LY75: variants seen among roughly 807,000 people sequenced by gnomAD.
The protein encoded by LY75 is C-type lectin domain family 13 member B.
In LY75, 185 loss-of-function variants were observed where a neutral mutation model predicts 231.7. The observed-to-expected ratio is 0.80, with a 90% confidence interval of 0.71 to 0.90. LY75 has a LOEUF of 0.90. Among genes scored for constraint, LY75 ranks in the 40% least tolerant of loss-of-function variants. The pLI is 0.00. For synonymous variants in LY75, 668 were observed against 689.0 expected, an observed-to-expected ratio of 0.97 and a Z score of 0.48; for missense variants, 1,947 against 2,050.2, an observed-to-expected ratio of 0.95 and a Z score of 0.97.
intron 23 of LY75, among the ~76,000 whole-genome samples, chr2:159,844,704 C>T (rs1339635231): frequency 6.6e-6 from 1 of 150,386 alleles, no homozygotes; most frequent in Non-Finnish European, 1.5e-5. Context: ...GAGACAGATG[C>T]CTATGGGGGA....
At chr2:159,852,081 C>A in intron 21 of LY75, 120 bp downstream of exon 21, 1 of 1,384,298 alleles carries the variant, frequency 7.2e-7, no homozygotes, top group Non-Finnish European at 9.6e-7. Flanking sequence ...CAGGTGGGAT[C>A]CTGAAACATG....
chr2:159,904,096 C>A (rs1686161700), intron 1 of LY75, among the ~76,000 whole-genome samples: 1 of 151,550 alleles, frequency 6.6e-6, no homozygotes, highest in Admixed American at 6.6e-5. Flanking sequence ...TCCTGATGCG[C>A]ACCGTAGGCG....
At chr2:159,819,358 C>G (rs751664582) in intron 29 of LY75, among the ~76,000 whole-genome samples, 15 of 152,186 alleles carry the variant, frequency 9.9e-5, no homozygotes, top group Non-Finnish European at 1.5e-4. Flanking sequence ...TAAACCCTAT[C>G]CATTTTTCAA....
At position 159,816,986 on chromosome 2, in the gene LY75, T is replaced by C. The variant is rs1574524306; in HGVS notation, c.4200A>G (p.Pro1400=). ...TAACACTGTAAATACCATCTTCATA[T>C]GGCATAAACTGTGGCAGTGTAGTAT... ...EYNTTLPQFM[P]YEDGIYSVIQ... The change falls in exon 30 of 35, where the codon CCA becomes CCG. Residue 1400 remains proline, a synonymous_variant. Transcript: ENST00000263636. 3.7e-6 allele frequency: 6 copies of C among 1,614,168 alleles called. No individual in the cohort carries two copies. The highest frequency in any genetic ancestry group is 5.1e-6 in the Non-Finnish European group (6 of 1,179,998).
Position 159,854,367 on chromosome 2 carries a change from A to C in LY75, c.2588T>G (p.Ile863Arg), listed in dbSNP as rs760103990. 1.4e-6 allele frequency: 2 copies of C among 1,421,598 alleles called. No individual in the cohort carries two copies. The highest frequency in any genetic ancestry group is 4.5e-5 in the Admixed American group (2 of 43,964). The allele number at this position is 1,421,598 out of a possible 1,614,324, so 88.1% of individuals were successfully genotyped here. A position where few individuals can be genotyped will look rare whatever the true frequency, so the allele number is the denominator to read the frequency against. Residue 863 changes from isoleucine (I) to arginine (R), a missense_variant, in exon 18 of 35, where the codon ATA becomes AGA. Physicochemically the swap from Ile to Arg is moderately conservative, Grantham distance 97 (BLOSUM62 -3). Transcript: ENST00000263636. ...TATATTCTTTTAAATTACATTTGCT[A>C]TTTTGTTTTTGATGGCTTTTAGTCC... ...FVGLKAIKNKIANISGDGQKW... is the reference protein window; with the variant it reads ...FVGLKAIKNKRANISGDGQKW...
intron 28 of LY75, among the ~76,000 whole-genome samples, chr2:159,829,649 A>ATATTT (rs10674031): frequency 0.87 from 131,597 of 151,866 alleles, 57,432 homozygotes; most frequent in African/African-American, 0.97. Flanking sequence ...AAAAAATTAA[A>ATATTT]TATAAGTATA....
intron 23 of LY75, among the ~76,000 whole-genome samples, chr2:159,849,669 T>C (rs1684322526): frequency 6.6e-6 from 1 of 152,158 alleles, no homozygotes; most frequent in Non-Finnish European, 1.5e-5. Context: ...TATGAGACAA[T>C]TCGCTCATTT....
At chr2:159,867,086 A>T (rs1042379385) in intron 13 of LY75, among the ~76,000 whole-genome samples, 1 of 152,138 alleles carries the variant, frequency 6.6e-6, no homozygotes, top group Non-Finnish European at 1.5e-5. Context: ...AGTTTGCTCG[A>T]TTGTCCAAAA....
At chr2:159,826,029 C>T (rs61053723) in intron 28 of LY75, among the ~76,000 whole-genome samples, 24,537 of 152,118 alleles carry the variant, frequency 0.16, 2,289 homozygotes, top group East Asian at 0.32. Flanking sequence ...GGAAGCATTC[C>T]CTTTGAAAAC....
intron 1 of LY75, 125 bp downstream of exon 1, chr2:159,904,464 C>T (rs1686177403): frequency 7.2e-6 from 8 of 1,117,298 alleles, no homozygotes; most frequent in Non-Finnish European, 9.6e-6. Flanking sequence ...CCAGAGCCCC[C>T]CCGCCCCAAC....
intron 28 of LY75, among the ~76,000 whole-genome samples, chr2:159,828,269 AG>A (rs1179842294): frequency 6.6e-6 from 1 of 150,748 alleles, no homozygotes; most frequent in Non-Finnish European, 1.5e-5. Flanking sequence ...AATACTGGAA[AG>A]TATTTATATC....
At chr2:159,904,544 G>A in intron 1 of LY75, 45 bp downstream of exon 1, 1 of 1,493,430 alleles carries the variant, frequency 6.7e-7, no homozygotes, top group Non-Finnish European at 8.9e-7. Flanking sequence ...GAGCTGTGGC[G>A]TCGAGGCACC....
In LY75 at chr2:159,819,838, C is replaced by T; in HGVS notation, c.4041G>A (p.Lys1347=). 6.2e-7 allele frequency: 1 copy of T among 1,614,066 alleles called. No homozygotes were observed. Among genetic ancestry groups the T allele is most frequent in the Non-Finnish European group, 8.5e-7 (1 of 1,179,988 alleles). ...RAGRPTIKNE[K]FLAGLSTDGF... ...CGTCAGTACTTAAACCAGCCAAAAA[C>T]TTCTCATTTTTTATAGTTGGTCTTC... The change falls in exon 29 of 35, where the codon AAG becomes AAA. Residue 1347 remains lysine (K), a synonymous_variant. Coordinates refer to ENST00000263636, the MANE Select transcript of LY75 (RefSeq NM_002349.4).
At chr2:159,893,348 G>A (rs1278458562) in intron 3 of LY75, among the ~76,000 whole-genome samples, 4 of 152,150 alleles carry the variant, frequency 2.6e-5, no homozygotes, top group African/African-American at 9.7e-5. Context: ...GCTTTCTTCA[G>A]CCCTTTTTCT....
intron 1 of LY75, chr2:159,902,769 T>C (rs1349230973): frequency 6.6e-6 from 1 of 152,170 alleles, no homozygotes; most frequent in Non-Finnish European, 1.5e-5. Flanking sequence ...AGTCAGAAAG[T>C]CTTCACGCAC....
At chr2:159,841,026 T>C in intron 24 of LY75, 71 bp from the exon 25 acceptor site, 2 of 1,573,622 alleles carry the variant, frequency 1.3e-6, no homozygotes, top group Non-Finnish European at 1.7e-6. Flanking sequence ...GACATTTTTT[T>C]CACATTTCTC....
Position 159,852,233 on chromosome 2 carries a change from A to G in LY75, c.2851T>C (p.Cys951Arg), listed in dbSNP as rs766133011. ...YSPDSAAKVQ[C>R]SEQWIPFQNK... ...TGAAAAGGAATCCATTGCTCAGAAC[A>G]TTGCACTTTAGCTGCAGAATCTGGG... Residue 951 changes from cysteine to arginine, a missense_variant, in exon 21 of 35, where the codon TGT becomes CGT. Transcript: ENST00000263636. The G allele has an allele frequency of 6.6e-5, 107 of 1,613,892 alleles. No homozygotes were observed. The highest frequency in any genetic ancestry group is 9.0e-5 in the Non-Finnish European group (106 of 1,179,960).
chr2:159,808,668 A>C (rs1682861608), intron 32 of LY75, 97 bp from the exon 33 acceptor site: 1 of 1,482,360 alleles, frequency 6.7e-7, no homozygotes, highest in Admixed American at 2.2e-5. Flanking sequence ...ATTATTAACA[A>C]GATCATTGAT....
rs929480213 is a variant in LY75 at position 159,864,212 on chromosome 2, T to C, written c.2199+627A>G. On this transcript the variant is annotated intron_variant, in intron 14 of 34. Transcript: ENST00000263636. ...TTGTCTCTTCACTCTGTTGATTGTT[T>C]CCTTTATTGTGCAGAAGCTTTTTAG... Among the ~76,000 whole-genome samples, 8 of 152,212 alleles carry C rather than the reference T, an allele frequency of 5.3e-5. No homozygotes were observed. In the South Asian group the frequency reaches 6.2e-4, roughly 12 times the overall value.
Sources: allele counts gnomAD v4.1 joint callset (sites outside exome capture counted in the v4.1 genomes callset), GRCh38; gene constraint gnomAD v4.1.1; transcripts MANE v1.5; gene names NCBI Gene and HGNC (gene_info 2026-07-23, HGNC 2026-07-21).